The following MKLN1 variants were observed in gnomAD, a reference collection of about 807,000 sequenced individuals.
MKLN1 encodes muskelin 1.
In MKLN1, 18 loss-of-function variants were observed where a neutral mutation model predicts 99.0. That is an observed-to-expected ratio of 0.18 (90% confidence interval 0.13 to 0.27). The LOEUF is 0.27. Ranked by LOEUF, MKLN1 falls within the 10% of genes least tolerant of loss-of-function variation. The pLI is 1.00. For synonymous variants in MKLN1, 288 were observed against 293.2 expected, an observed-to-expected ratio of 0.98 and a Z score of 0.18; for missense variants, 621 against 875.9, an observed-to-expected ratio of 0.71 and a Z score of 3.67.
chr7:131,296,259 C>T lies in MKLN1; in HGVS notation c.-178-79165C>T, dbSNP rs924583332. ...TAAGTAGAAATGATTTAAAGTTCATCAGTTAGGCAACAAATAAATTTATGG... is the reference window on the plus strand; with the variant it reads ...TAAGTAGAAATGATTTAAAGTTCATTAGTTAGGCAACAAATAAATTTATGG... On this transcript the variant is annotated intron_variant, in intron 3 of 7. Transcript: ENST00000416992. 7.9e-5 allele frequency among the ~76,000 whole-genome samples: 12 copies of T among 152,132 alleles called. 1 individual carries two copies. The highest frequency in any genetic ancestry group is 7.9e-4 in the Admixed American group (12 of 15,276).
At chr7:131,267,487 A>G (rs966139236) in intron 3 of MKLN1, among the ~76,000 whole-genome samples, 3 of 152,146 alleles carry the variant, frequency 2.0e-5, no homozygotes, top group African/African-American at 7.2e-5. Context: ...TTGCCCTTCC[A>G]TAAGTGGGCT....
intron 1 of MKLN1, among the ~76,000 whole-genome samples, chr7:131,360,258 A>C (rs1312608821): frequency 6.6e-6 from 1 of 152,110 alleles, no homozygotes; most frequent in Non-Finnish European, 1.5e-5. Flanking sequence ...CCTGTCTTCT[A>C]ATTAGTTTCT....
At chr7:131,481,292 G>A (rs1272834377) in intron 17 of MKLN1, among the ~76,000 whole-genome samples, 1 of 152,068 alleles carries the variant, frequency 6.6e-6, no homozygotes, top group Non-Finnish European at 1.5e-5. Flanking sequence ...GGAGGTAATG[G>A]GAATACTTAC....
intron 1 of MKLN1, among the ~76,000 whole-genome samples, chr7:131,345,171 G>A (rs1799522371): frequency 6.6e-6 from 1 of 151,898 alleles, no homozygotes; most frequent in Non-Finnish European, 1.5e-5. Flanking sequence ...TTTGGAAGGT[G>A]GTAAAAAAAA....
chr7:131,395,293 A>G (rs774804070), intron 4 of MKLN1, among the ~76,000 whole-genome samples: 17 of 152,110 alleles, frequency 1.1e-4, no homozygotes, highest in Non-Finnish European at 2.1e-4. Flanking sequence ...AACTTAAATA[A>G]TTGTACAGGT....
intron 3 of MKLN1, among the ~76,000 whole-genome samples, chr7:131,275,555 ATATATATATATATTT>A (rs1219803087): frequency 1.8e-4 from 3 of 16,792 alleles, no homozygotes; most frequent in African/African-American, 6.5e-4. Context: ...ATATATATAT[ATATATATATATATTT>A]TTTTTTTTTT....
upstream of MKLN1, among the ~76,000 whole-genome samples, chr7:131,325,110 C>T (rs1798857919): frequency 6.6e-6 from 1 of 151,940 alleles, no homozygotes; most frequent in African/African-American, 2.4e-5. Context: ...TTCATTCACT[C>T]TTTGATAAAT....
At chr7:131,469,980 G>T (rs897769297) in intron 15 of MKLN1, among the ~76,000 whole-genome samples, 1 of 151,156 alleles carries the variant, frequency 6.6e-6, no homozygotes, top group African/African-American at 2.4e-5. Context: ...GGCTCAAGCA[G>T]TCCTCCCACC....
intron 3 of MKLN1, among the ~76,000 whole-genome samples, chr7:131,254,193 C>A (rs1169172840): frequency 6.6e-6 from 1 of 152,178 alleles, no homozygotes; most frequent in Non-Finnish European, 1.5e-5. Context: ...CATGACCAAC[C>A]CTGTACCTTT....
intron 3 of MKLN1, among the ~76,000 whole-genome samples, chr7:131,245,403 G>C (rs897113602): frequency 3.3e-5 from 5 of 151,982 alleles, no homozygotes; most frequent in African/African-American, 1.2e-4. Flanking sequence ...GAGTAGCTGG[G>C]ATTACAGGTG....
chr7:131,437,720 T>C (rs1795714018), intron 9 of MKLN1, 65 bp from the exon 10 acceptor site: 7 of 1,241,288 alleles, frequency 5.6e-6, no homozygotes, highest in Non-Finnish European at 8.1e-6. Context: ...TTTTCTATTA[T>C]TTGTTCTTTG....
intron 3 of MKLN1, among the ~76,000 whole-genome samples, chr7:131,268,471 G>A (rs182801214): frequency 7.8e-4 from 119 of 152,306 alleles, no homozygotes; most frequent in Middle Eastern, 3.4e-3. Flanking sequence ...AATACGGATT[G>A]GTAGAGGTGG....
At chr7:131,395,902 T>C (rs1478708575) in intron 4 of MKLN1, among the ~76,000 whole-genome samples, 3 of 151,904 alleles carry the variant, frequency 2.0e-5, no homozygotes, top group African/African-American at 7.3e-5. Flanking sequence ...TTATATTTTC[T>C]TATAAATATT....
Position 131,195,586 on chromosome 7 carries a change from T to TC in MKLN1, c.-296-7269dup, listed in dbSNP as rs368035545. Among the ~76,000 whole-genome samples the TC allele has an allele frequency of 4.6e-4, 70 of 152,274 alleles. 1 individual carries two copies. Among genetic ancestry groups the TC allele is most frequent in the African/African-American group, 1.6e-3 (66 of 41,550 alleles). Reference sequence around the variant, plus strand: ...ACAACTCTTTTACTTTGCCTTTTTTTCCTCCTCAATATTTTGAGCATGAAA... The same window carrying TC: ...ACAACTCTTTTACTTTGCCTTTTTTTCCCTCCTCAATATTTTGAGCATGAAA... On this transcript the variant is annotated intron_variant, in intron 2 of 7. Coordinates refer to the MKLN1 transcript ENST00000416992.
At chr7:131,171,777 T>C (rs1796220063) in intron 2 of MKLN1, among the ~76,000 whole-genome samples, 1 of 152,220 alleles carries the variant, frequency 6.6e-6, no homozygotes, top group African/African-American at 2.4e-5. Flanking sequence ...ATTTTTCTAA[T>C]GAGGATATAC....
At chr7:131,300,864 G>A (rs533274327) in intron 3 of MKLN1, among the ~76,000 whole-genome samples, 119 of 152,274 alleles carry the variant, frequency 7.8e-4, no homozygotes, top group Admixed American at 2.3e-3. Flanking sequence ...CGGTGGGAAG[G>A]CAGAAATGGA....
At chr7:131,127,386 G>A (rs575287794) in intron 1 of MKLN1, among the ~76,000 whole-genome samples, 12 of 152,238 alleles carry the variant, frequency 7.9e-5, no homozygotes, top group Non-Finnish European at 1.2e-4. Context: ...AGGAGAGTGG[G>A]CGAGTACGAC....
intron 17 of MKLN1, among the ~76,000 whole-genome samples, chr7:131,486,099 G>C (rs746320477): frequency 3.3e-5 from 5 of 149,826 alleles, no homozygotes; most frequent in African/African-American, 7.5e-5. Flanking sequence ...GAGAGACAGA[G>C]AGAGAGAGAG....
chr7:131,448,336 TG>T (rs1362433035), intron 12 of MKLN1, among the ~76,000 whole-genome samples: 1 of 152,252 alleles, frequency 6.6e-6, no homozygotes. Flanking sequence ...AATTTTTTAA[TG>T]AGTTAAAATT....
Sources: gnomAD v4.1 joint callset for allele counts (sites outside exome capture counted in the v4.1 genomes callset) on GRCh38, gnomAD v4.1.1 for gene constraint, MANE v1.5 for transcripts, NCBI Gene and HGNC (gene_info 2026-07-23, HGNC 2026-07-21) for gene names.